NRROS: variants seen among roughly 807,000 people sequenced by gnomAD.
NRROS encodes negative regulator of reactive oxygen species.
Under a neutral mutation model 12.0 loss-of-function variants are expected in NRROS, and 6 were observed. That is an observed-to-expected ratio of 0.50 (90% CI 0.27 to 0.98). NRROS has a LOEUF of 0.98. Among genes scored for constraint, NRROS ranks in the 50% least tolerant of loss-of-function variants. The probability of loss-of-function intolerance (pLI) is 0.11; values close to 1 mark genes in which losing one functional copy is unlikely to be tolerated. For synonymous variants in NRROS, 462 were observed against 410.2 expected (o/e 1.13, Z -1.53); for missense variants, 857 against 888.2 (o/e 0.96, Z 0.45).
rs1737668208 is a variant in NRROS at position 196,661,188 on chromosome 3, C to G, written c.1545C>G (p.Val515=). The change falls in exon 3 of 3, where the codon GTC becomes GTG. Residue 515 remains valine, a synonymous_variant. Coordinates refer to ENST00000328557, the MANE Select transcript of NRROS (RefSeq NM_198565.3). The part of the protein sequence containing the change: ...PLQDVAPMLQ[V]LSLRNMGLHS... ...AGGATGTTGCCCCCATGTTACAGGT[C>G]CTGTCTCTCAGGAACATGGGCCTCC... 1 of 1,613,452 alleles carries G rather than the reference C, an allele frequency of 6.2e-7. No homozygotes were observed. Among genetic ancestry groups the G allele is most frequent in the Admixed American group, 1.7e-5 (1 of 59,920 alleles).
intron 1 of NRROS, among the ~76,000 whole-genome samples, chr3:196,642,692 G>C (rs1228277708): frequency 2.0e-5 from 3 of 152,162 alleles, no homozygotes; most frequent in African/African-American, 7.2e-5. Context: ...CGAACACACA[G>C]ACTTTTGAAG....
chr3:196,661,342 A>G lies in NRROS; in HGVS notation c.1699A>G (p.Arg567Gly). ...SLALETLDLR[R>G]NSLTALPQKA... ...GGCCCTGGAGACCCTGGATCTCCGT[A>G]GAAACTCGCTCACAGCCCTTCCCCA... Residue 567 changes from arginine to glycine, a missense_variant, in exon 3 of 3, where the codon AGA (arginine) becomes GGA (glycine). Physicochemically the swap from Arg to Gly is moderately radical, Grantham distance 125. Coordinates refer to ENST00000328557, the MANE Select transcript of NRROS (RefSeq NM_198565.3). 6 of 1,587,122 alleles carry G rather than the reference A, an allele frequency of 3.8e-6. No homozygotes were observed. The highest frequency in any genetic ancestry group is 5.1e-6 in the Non-Finnish European group (6 of 1,166,022).
intron 2 of NRROS, among the ~76,000 whole-genome samples, chr3:196,655,543 A>AAAAAC (rs1403800613): frequency 1.1e-4 from 17 of 152,234 alleles, no homozygotes; most frequent in African/African-American, 3.6e-4. Flanking sequence ...AAAAAAAGAA[A>AAAAAC]AAAACAAAAC....
rs753394167 is a variant in NRROS at position 196,661,017 on chromosome 3, C to A, written c.1374C>A (p.Phe458Leu). The stretch of plus-strand genomic sequence containing the variant: ...TGGGCCCCCCTAGCTGTGTGGATTT[C>A]AGGAATATGGCATCTTTAAGGAGCC... ...DRVGPPSCVD[F>L]RNMASLRSLS... Residue 458 changes from phenylalanine (F) to leucine (L), a missense_variant, in exon 3 of 3, where the codon TTC becomes TTA. Transcript: ENST00000328557. 7 of 1,614,146 alleles carry A rather than the reference C, an allele frequency of 4.3e-6. No individual in the cohort carries two copies. The highest frequency in any genetic ancestry group is 4.2e-6 in the Non-Finnish European group (5 of 1,180,014).
chr3:196,661,531 G>C lies in NRROS; in HGVS notation c.1888G>C (p.Val630Leu), dbSNP rs78670696. The C allele has an allele frequency of 6.2e-7, 1 of 1,613,668 alleles. No homozygotes were observed. ...TCNLSSKIIR[V>L]TELPGGVPRD... ...CAACCTCTCCTCCAAGATCATCCGC[G>C]TGACGGAGCTGCCCGGAGGTGTGCC... Residue 630 changes from valine to leucine, a missense_variant, in exon 3 of 3, where the codon GTG becomes CTG. Physicochemically the swap from Val to Leu is conservative, Grantham distance 32. Transcript: ENST00000328557.
At chr3:196,640,057 G>A (rs369239004) in intron 1 of NRROS, among the ~76,000 whole-genome samples, 182 bp downstream of exon 1, 1 of 152,230 alleles carries the variant, frequency 6.6e-6, no homozygotes, top group Non-Finnish European at 1.5e-5. Flanking sequence ...CGTGGGGGCT[G>A]CAGCTCTGGG....
intron 1 of NRROS, among the ~76,000 whole-genome samples, chr3:196,650,339 T>C (rs1275150812): frequency 6.6e-6 from 1 of 152,184 alleles, no homozygotes; most frequent in Non-Finnish European, 1.5e-5. Flanking sequence ...AGACAGGGTT[T>C]CACCAGGTTG....
At chr3:196,657,396 C>T (rs143846214) in intron 2 of NRROS, among the ~76,000 whole-genome samples, 341 of 151,922 alleles carry the variant, frequency 2.2e-3, no homozygotes, top group African/African-American at 7.8e-3. Flanking sequence ...TGAGTCCACA[C>T]GCAGGGAGGA....
In NRROS at chr3:196,661,080, C is replaced by T; in HGVS notation, c.1437C>T (p.Asp479=). Residue 479 remains aspartate, a synonymous_variant, in exon 3 of 3, where the codon GAC becomes GAT. Transcript: ENST00000328557. ...LEGCGLGALP[D]CPFQGTSLTY... ...GCTGTGGCCTGGGGGCATTGCCAGA[C>T]TGCCCATTCCAAGGGACCTCCCTGA... is the stretch of plus-strand genomic sequence containing the variant. 3 of 1,614,168 alleles carry T rather than the reference C, an allele frequency of 1.9e-6. No individual in the cohort carries two copies. Among genetic ancestry groups the T allele is most frequent in the Non-Finnish European group, 2.5e-6 (3 of 1,180,032 alleles).
In NRROS at chr3:196,639,757, A is replaced by C. The variant is rs1034147300; in HGVS notation, c.-132A>C. 1 of 152,592 alleles carries C rather than the reference A, an allele frequency of 6.6e-6. No individual in the cohort carries two copies. Among genetic ancestry groups the C allele is most frequent in the African/African-American group, 2.4e-5 (1 of 41,468 alleles). The allele number at this position is 152,592 out of a possible 1,614,324, so 9.5% of individuals were successfully genotyped here. A position where few individuals can be genotyped will look rare whatever the true frequency, so the allele number is the denominator to read the frequency against. On this transcript the variant is annotated 5_prime_UTR_variant, in exon 1 of 3. Transcript: ENST00000328557. ...TCCGTCCGTTCCTTCCGCTGGTGCTAAAATAATCTGATGCCCCACAGCAAG... is the reference window on the plus strand; with the variant it reads ...TCCGTCCGTTCCTTCCGCTGGTGCTCAAATAATCTGATGCCCCACAGCAAG...
chr3:196,649,611 A>G (rs1424596618), intron 1 of NRROS, among the ~76,000 whole-genome samples: 2 of 152,182 alleles, frequency 1.3e-5, no homozygotes, highest in Admixed American at 1.3e-4. Flanking sequence ...AGCTGGGACT[A>G]CAGGCGCCCG....
rs765190407 is a variant in NRROS at position 196,654,799 on chromosome 3, T to A, written c.108+152T>A. 1.7e-6 allele frequency: 1 copy of A among 596,716 alleles called. No individual in the cohort carries two copies. Among genetic ancestry groups the A allele is most frequent in the Non-Finnish European group, 3.0e-6 (1 of 337,674 alleles). 37.0% of individuals were successfully genotyped at this position (596,716 alleles called of 1,614,324 possible). On this transcript the variant is annotated intron_variant, in intron 2 of 2. Transcript: ENST00000328557. The surrounding 1 kb of genome is among the most constrained non-coding windows in gnomAD (Gnocchi z 4.4). ...TGCCTAGCACAGGGGCATGTGCAGCTGCCCTTTAACCACAGGATTTTAAGA... is the reference window on the plus strand; with the variant it reads ...TGCCTAGCACAGGGGCATGTGCAGCAGCCCTTTAACCACAGGATTTTAAGA...
intron 1 of NRROS, among the ~76,000 whole-genome samples, chr3:196,652,991 C>T (rs1273752243): frequency 6.6e-6 from 1 of 152,170 alleles, no homozygotes; most frequent in Non-Finnish European, 1.5e-5. Flanking sequence ...GAAATGATGC[C>T]TTGTAATTTA....
chr3:196,644,330 C>T (rs1026453397), intron 1 of NRROS, among the ~76,000 whole-genome samples: 12 of 149,126 alleles, frequency 8.0e-5, no homozygotes, highest in Non-Finnish European at 1.6e-4. Context: ...ACCCTGGAGG[C>T]GGAGGTTGCA....
chr3:196,659,694 T>C (rs990976929), intron 2 of NRROS, 58 bp from the exon 3 acceptor site: 113 of 1,520,860 alleles, frequency 7.4e-5, no homozygotes, highest in Middle Eastern at 5.3e-4. Flanking sequence ...TAAGTTTCTA[T>C]GCATAAATGC....
In NRROS at chr3:196,659,811, G is replaced by T. The variant is rs1195196555; in HGVS notation, c.168G>T (p.Pro56=). ...TCGCTTCGGTGCCCAGCAGCCTCCC[G>T]CCCCACGCCCGGATGCTCACCCTGG... ...QSLASVPSSL[P]PHARMLTLDA... is the part of the protein sequence containing the mutation. Residue 56 remains proline, a synonymous_variant, in exon 3 of 3, where the codon CCG becomes CCT. Coordinates refer to ENST00000328557, the MANE Select transcript of NRROS (RefSeq NM_198565.3). 1 of 1,613,840 alleles carries T rather than the reference G, an allele frequency of 6.2e-7. No individual in the cohort carries two copies. The highest frequency in any genetic ancestry group is 8.5e-7 in the Non-Finnish European group (1 of 1,179,880).
At chr3:196,650,959 C>T (rs1191603606) in intron 1 of NRROS, among the ~76,000 whole-genome samples, 1 of 152,220 alleles carries the variant, frequency 6.6e-6, no homozygotes, top group Admixed American at 6.5e-5. Flanking sequence ...GGGCTTTCCA[C>T]CTGTTCCTGC....
At chr3:196,646,088 A>G (rs536885584) in intron 1 of NRROS, among the ~76,000 whole-genome samples, 2 of 151,768 alleles carry the variant, frequency 1.3e-5, no homozygotes, top group South Asian at 4.2e-4. Flanking sequence ...ACATCGACAA[A>G]GCCTTTTCAC....
chr3:196,660,621 C>A lies in NRROS; in HGVS notation c.978C>A (p.Asp326Glu). The part of the protein sequence containing the change: ...VSLWEEFSSS[D>E]LADLRFLDMS... ...TCTGGGAAGAATTCTCCTCCAGCGA[C>A]CTCGCAGATCTCCGCTTCCTGGACA... is the stretch of plus-strand genomic sequence containing the variant. The change falls in exon 3 of 3, where the codon GAC becomes GAA. Residue 326 changes from aspartate to glutamate, a missense_variant. By Grantham distance (45) the Asp-to-Glu change is conservative (BLOSUM62 2). Transcript: ENST00000328557. The surrounding 1 kb of genome is among the most constrained non-coding windows in gnomAD (Gnocchi z 7.7). 6.2e-7 allele frequency: 1 copy of A among 1,614,228 alleles called. No individual in the cohort carries two copies. Among genetic ancestry groups the A allele is most frequent in the Non-Finnish European group, 8.5e-7 (1 of 1,180,042 alleles).
Sources: allele counts gnomAD v4.1 joint callset (sites outside exome capture counted in the v4.1 genomes callset), GRCh38; gene constraint gnomAD v4.1.1; non-coding constraint Gnocchi (gnomAD v3.1); transcripts MANE v1.5; gene names NCBI Gene and HGNC (gene_info 2026-07-23, HGNC 2026-07-21).